HHLA1: variants seen among roughly 807,000 people sequenced by gnomAD.
HHLA1 encodes HHLA1 neighbor of OC90.
Under a neutral mutation model 69.9 loss-of-function variants are expected in HHLA1, and 72 were observed. That is an observed-to-expected ratio of 1.03 (90% CI 0.85 to 1.25). The LOEUF (loss-of-function observed/expected upper bound fraction) is 1.25, where lower values mean the gene tolerates loss of function less well. Ranked by LOEUF, HHLA1 falls within the 50% of genes most tolerant of loss-of-function variation. HHLA1 has a pLI of 0.00. For synonymous variants in HHLA1, 252 were observed against 233.2 expected (o/e 1.08, Z -0.73); for missense variants, 685 against 642.2 (o/e 1.07, Z -0.72).
chr8:132,078,171 AACACACACACACACAC>A lies in HHLA1; in HGVS notation c.926-216_926-201del, dbSNP rs34612835. Among the ~76,000 whole-genome samples, 174 of 144,508 alleles carry A rather than the reference AACACACACACACACAC, an allele frequency of 1.2e-3. 2 individuals are homozygous for A. In the East Asian group the frequency reaches 0.029, roughly 24 times the overall value. The allele number at this position is 144,508 out of a possible 152,430, so 94.8% of individuals were successfully genotyped here. ...AGCATTGTTTTCCTAAGCACCAATA[AACACACACACACACAC>A]ACACACACACACACACACACACACA... On this transcript the variant is annotated intron_variant, in intron 11 of 16. Coordinates refer to ENST00000414222, the MANE Select transcript of HHLA1 (RefSeq NM_001145095.3).
intron 4 of HHLA1, among the ~76,000 whole-genome samples, 193 bp from the exon 5 acceptor site, chr8:132,099,155 T>C (rs1236566965): frequency 6.6e-6 from 1 of 152,056 alleles, no homozygotes; most frequent in East Asian, 1.9e-4. Flanking sequence ...GTCAACAAAG[T>C]GACAAATATA....
intron 10 of HHLA1, 123 bp downstream of exon 10, chr8:132,087,530 T>C: frequency 1.6e-6 from 1 of 624,236 alleles, no homozygotes. Context: ...ATGACGAAGT[T>C]CTCTGATTTT....
chr8:132,077,549 A>T (rs184359967), intron 12 of HHLA1, among the ~76,000 whole-genome samples, 177 bp downstream of exon 12: 27 of 152,310 alleles, frequency 1.8e-4, no homozygotes, highest in Non-Finnish European at 2.9e-4. Context: ...TCATCTACAG[A>T]TGGGAAGAAA....
intron 5 of HHLA1, among the ~76,000 whole-genome samples, chr8:132,096,097 C>T (rs1249709052): frequency 6.6e-6 from 1 of 152,094 alleles, no homozygotes; most frequent in African/African-American, 2.4e-5. Flanking sequence ...AACTTGGTGG[C>T]CTAAAACAGC....
chr8:132,064,391 C>T (rs1345282761), intron 16 of HHLA1, among the ~76,000 whole-genome samples: 1 of 152,138 alleles, frequency 6.6e-6, no homozygotes, highest in Admixed American at 6.5e-5. Flanking sequence ...ACGTTGTGTG[C>T]ATAGAGATTT....
At chr8:132,073,146 A>G (rs1343062102) in intron 14 of HHLA1, among the ~76,000 whole-genome samples, 1 of 151,976 alleles carries the variant, frequency 6.6e-6, no homozygotes, top group Non-Finnish European at 1.5e-5. Flanking sequence ...ACTTATTTTT[A>G]TTTTTTATTT....
chr8:132,079,441 AT>A (rs1823701996), intron 11 of HHLA1, among the ~76,000 whole-genome samples: 1 of 152,236 alleles, frequency 6.6e-6, no homozygotes, highest in Non-Finnish European at 1.5e-5. Context: ...AACTCTCTAT[AT>A]TATTTTTGCA....
At chr8:132,099,094 G>A (rs757800569) in intron 4 of HHLA1, 132 bp from the exon 5 acceptor site, 404 of 634,734 alleles carry the variant, frequency 6.4e-4, no homozygotes, top group Non-Finnish European at 9.0e-4. Context: ...TGCCAGGCAC[G>A]AGGGGTTCCA....
chr8:132,102,726 T>G (rs1323441685), intron 3 of HHLA1, among the ~76,000 whole-genome samples: 1 of 150,710 alleles, frequency 6.6e-6, no homozygotes, highest in Non-Finnish European at 1.5e-5. Context: ...GCTACCAGGC[T>G]GGCAGGATTC....
intron 10 of HHLA1, among the ~76,000 whole-genome samples, chr8:132,083,220 A>C (rs1386270906): frequency 3.3e-5 from 5 of 152,240 alleles, no homozygotes; most frequent in South Asian, 2.1e-4. Context: ...AATAAGGGAA[A>C]TGCACAGGTG....
chr8:132,072,254 C>T (rs145256415), intron 14 of HHLA1, among the ~76,000 whole-genome samples: 240 of 152,220 alleles, frequency 1.6e-3, no homozygotes, highest in Middle Eastern at 0.01. Context: ...TTGTTGGGAT[C>T]TGCTGAGACT....
chr8:132,099,330 C>T (rs1205617406), intron 4 of HHLA1, among the ~76,000 whole-genome samples: 1 of 152,212 alleles, frequency 6.6e-6, no homozygotes, highest in Non-Finnish European at 1.5e-5. Flanking sequence ...AAAATAAGTA[C>T]CCCATGTAAA....
chr8:132,078,470 G>A (rs1055815093), intron 11 of HHLA1, among the ~76,000 whole-genome samples: 2 of 152,084 alleles, frequency 1.3e-5, no homozygotes, highest in Non-Finnish European at 2.9e-5. Flanking sequence ...CAACATCACA[G>A]GATTGTTATT....
At position 132,079,727 on chromosome 8, in the gene HHLA1, G is replaced by A. The variant is rs1427335508; in HGVS notation, c.916C>T (p.Pro306Ser). 1.9e-6 allele frequency: 3 copies of A among 1,548,438 alleles called. No homozygotes were observed. The East Asian group carries it at 7.3e-5, about 38-fold the overall frequency. Residue 306 changes from proline to serine, a missense_variant, in exon 11 of 17, where the codon CCA becomes TCA. Coordinates refer to ENST00000414222, the MANE Select transcript of HHLA1 (RefSeq NM_001145095.3). ...ATWFSASHTL[P>S]ALATRRVART... Reference sequence around the variant, plus strand: ...TGAGAATGCATCTTACCCAAGGCTGGGAGAGTGTGGGAGGCACTGAACCAT... The same window carrying A: ...TGAGAATGCATCTTACCCAAGGCTGAGAGAGTGTGGGAGGCACTGAACCAT...
chr8:132,076,565 G>T, intron 12 of HHLA1, 22 bp from the exon 13 acceptor site: 2 of 1,483,082 alleles, frequency 1.3e-6, no homozygotes, highest in East Asian at 2.5e-5. Context: ...TGAGAGAGAG[G>T]TGAGCCTGCA....
chr8:132,088,544 G>A (rs1053044483), intron 8 of HHLA1, among the ~76,000 whole-genome samples: 1 of 152,174 alleles, frequency 6.6e-6, no homozygotes. Flanking sequence ...CTGTGGACAT[G>A]GGGTTGCATG....
At chr8:132,105,005 A>T (rs1808566084) in intron 2 of HHLA1, among the ~76,000 whole-genome samples, 182 bp downstream of exon 2, 1 of 152,228 alleles carries the variant, frequency 6.6e-6, no homozygotes, top group Admixed American at 6.5e-5. Context: ...TCTTTTGCAT[A>T]GATGGGACTT....
At position 132,077,733 on chromosome 8, in the gene HHLA1, A is replaced by G; in HGVS notation, c.1164T>C (p.Pro388=). Residue 388 remains proline, a synonymous_variant, in exon 12 of 17, where the codon CCT becomes CCC. Transcript: ENST00000414222. Reference sequence around the variant, plus strand: ...GTGAGCACCCTCTCTTACCCAAGGTAGGGCTGGCCTGGGATGGGCTGCCAG... The same window carrying G: ...GTGAGCACCCTCTCTTACCCAAGGTGGGGCTGGCCTGGGATGGGCTGCCAG... ...ATPGSPSQAS[P]TLGAFTHGTQ... is the part of the protein sequence containing the mutation. 2 of 1,551,624 alleles carry G rather than the reference A, an allele frequency of 1.3e-6. No individual in the cohort carries two copies. The highest frequency in any genetic ancestry group is 1.7e-6 in the Non-Finnish European group (2 of 1,146,916).
intron 1 of HHLA1, among the ~76,000 whole-genome samples, chr8:132,108,803 G>A (rs530273738): frequency 6.6e-6 from 1 of 152,158 alleles, no homozygotes; most frequent in Non-Finnish European, 1.5e-5. Context: ...CGGAAAGTGG[G>A]TGCTGAGTGG....
Sources: allele counts gnomAD v4.1 joint callset (sites outside exome capture counted in the v4.1 genomes callset), GRCh38; gene constraint gnomAD v4.1.1; transcripts MANE v1.5; gene names NCBI Gene and HGNC (gene_info 2026-07-23, HGNC 2026-07-21).